The following ZBTB42 variants were observed in gnomAD, a reference collection of about 807,000 sequenced individuals.
ZBTB42 encodes zinc finger and BTB domain containing 42.
A neutral mutation model predicts 4.7 loss-of-function variants in ZBTB42; 3 were observed. That is an observed-to-expected ratio of 0.64 (90% confidence interval 0.29 to 1.66). The LOEUF is 1.66. Ranked by LOEUF, ZBTB42 falls within the 40% of genes most tolerant of loss-of-function variation. The pLI, the probability that ZBTB42 is intolerant of heterozygous loss-of-function variation, is 0.10. For missense variants in ZBTB42, 521 were observed against 577.1 expected (o/e 0.90, Z 1.00); for synonymous variants, 255 against 259.5 (o/e 0.98, Z 0.17).
Position 104,802,517 on chromosome 14 carries a change from C to A in ZBTB42, c.*51C>A, listed in dbSNP as rs754673697. 9 of 1,515,718 alleles carry A rather than the reference C, an allele frequency of 5.9e-6. No individual in the cohort carries two copies. The highest frequency in any genetic ancestry group is 8.0e-6 in the Non-Finnish European group (9 of 1,127,642). The allele number at this position is 1,515,718 out of a possible 1,614,324, so 93.9% of individuals were successfully genotyped here. The stretch of plus-strand genomic sequence containing the variant: ...GGGTGGAAGGGAAGGGATGGGCCCT[C>A]CCAGGTGGGACACAGCATGGGGTGT... On this transcript the variant is annotated 3_prime_UTR_variant, in exon 1 of 1. Coordinates refer to ENST00000342537, the MANE Select transcript of ZBTB42 (RefSeq NM_001137601.3). This position sits in a 1 kb window ranked among gnomAD's most constrained non-coding sequence, Gnocchi z 5.9.
In ZBTB42 at chr14:104,802,672, C is replaced by A; in HGVS notation, c.*206C>A. The A allele has an allele frequency of 1.4e-6, 1 of 701,308 alleles. No individual in the cohort carries two copies. 43.4% of individuals were successfully genotyped at this position (701,308 alleles called of 1,614,324 possible). A position where few individuals can be genotyped will look rare whatever the true frequency, so the allele number is the denominator to read the frequency against. ...GGGCAGCCTTCCTCCCACCTTGCCT[C>A]TCCTTTCCCCTCACTCTCCAACTCA... On this transcript the variant is annotated 3_prime_UTR_variant, in exon 1 of 1. Transcript: ENST00000342537. The surrounding 1 kb of genome is among the most constrained non-coding windows in gnomAD (Gnocchi z 5.9).
In ZBTB42 at chr14:104,802,426, G is replaced by T. The variant is rs755905902; in HGVS notation, c.1229G>T (p.Arg410Leu). ...TCCGGGGACCTCTACCGCCACGTCC[G>T]CAAGTTTCACTGTGGCCTCGTCAAG... ...TQSGDLYRHVRKFHCGLVKSL... is the reference protein window; with the variant it reads ...TQSGDLYRHVLKFHCGLVKSL... Residue 410 changes from arginine to leucine, a missense_variant, in exon 1 of 1, where the codon CGC becomes CTC. Coordinates refer to ENST00000342537, the MANE Select transcript of ZBTB42 (RefSeq NM_001137601.3). This position sits in a 1 kb window ranked among gnomAD's most constrained non-coding sequence, Gnocchi z 5.9. 2 of 1,551,290 alleles carry T rather than the reference G, an allele frequency of 1.3e-6. No individual in the cohort carries two copies. Among genetic ancestry groups the T allele is most frequent in the East Asian group, 2.4e-5 (1 of 41,024 alleles).
Position 104,801,887 on chromosome 14 carries a change from G to A in ZBTB42, c.690G>A (p.Leu230=). The A allele has an allele frequency of 1.3e-6, 2 of 1,549,180 alleles. No homozygotes were observed. The highest frequency in any genetic ancestry group is 1.2e-5 in the South Asian group (1 of 84,048). Residue 230 remains leucine, a synonymous_variant, in exon 1 of 1, where the codon CTG becomes CTA. Coordinates refer to ENST00000342537, the MANE Select transcript of ZBTB42 (RefSeq NM_001137601.3). The surrounding 1 kb of genome is among the most constrained non-coding windows in gnomAD (Gnocchi z 4.4). The part of the protein sequence containing the change: ...QPLVKDERDS[L]SEQEESSSSR... ...TGGTGAAGGACGAACGGGACTCACT[G>A]TCCGAACAGGAGGAGAGCAGCAGCT... is the stretch of plus-strand genomic sequence containing the variant.
Sources: gnomAD v4.1 joint callset for allele counts on GRCh38, gnomAD v4.1.1 for gene constraint, Gnocchi (gnomAD v3.1) non-coding constraint, MANE v1.5 for transcripts, NCBI Gene and HGNC (gene_info 2026-07-23, HGNC 2026-07-21) for gene names.